The following ZSCAN12 variants were observed in gnomAD, a reference collection of about 807,000 sequenced individuals.
ZSCAN12 encodes zinc finger and SCAN domain-containing protein 12.
In ZSCAN12, 18 loss-of-function variants were observed where a neutral mutation model predicts 23.4. The ratio of observed to expected loss-of-function variants is 0.77; its 90% confidence interval spans 0.53 to 1.14. The LOEUF is 1.14. ZSCAN12 is among the 50% of genes most tolerant of loss of function. The probability of loss-of-function intolerance (pLI) is 0.00; values close to 1 mark genes in which losing one functional copy is unlikely to be tolerated. For missense variants in ZSCAN12, 650 were observed against 735.0 expected, an observed-to-expected ratio of 0.88 and a Z score of 1.34; for synonymous variants, 186 against 253.4, an observed-to-expected ratio of 0.73 and a Z score of 2.53.
downstream of ZSCAN12, chr6:28,380,238 A>G (rs1331553709): frequency 1.3e-5 from 2 of 152,214 alleles, no homozygotes; most frequent in Admixed American, 6.5e-5. Flanking sequence ...CCTCTCATTT[A>G]TAAGAGCCTC....
At chr6:28,392,256 C>T (rs1023907561) in intron 3 of ZSCAN12, among the ~76,000 whole-genome samples, 1 of 151,334 alleles carries the variant, frequency 6.6e-6, no homozygotes, top group Admixed American at 6.6e-5. Context: ...CAGCTCACTG[C>T]AACCTCCGCC....
chr6:28,382,495 A>C (rs1561950701), downstream of ZSCAN12: 1 of 1,551,926 alleles, frequency 6.4e-7, no homozygotes, highest in Admixed American at 2.0e-5. Context: ...ACTATTAGAG[A>C]TCTCTCCTGA....
Position 28,391,192 on chromosome 6 carries a change from G to C in ZSCAN12, c.1098C>G (p.Ala366=). 1 of 1,551,912 alleles carries C rather than the reference G, an allele frequency of 6.4e-7. No homozygotes were observed. Among genetic ancestry groups the C allele is most frequent in the Non-Finnish European group, 8.7e-7 (1 of 1,147,036 alleles). The change falls in exon 4 of 4, where the codon GCC becomes GCG. Residue 366 remains alanine (A), a synonymous_variant. Coordinates refer to ENST00000684592, the MANE Select transcript of ZSCAN12 (RefSeq NM_001163391.2). The surrounding 1 kb of genome is among the most constrained non-coding windows in gnomAD (Gnocchi z 4.1). ...GAAAGAGGCCTGCTTTCTGACTAAA[G>C]GCTTTGCCACAGTCATTACAGTGAT... The part of the protein sequence containing the change: ...KHYHCNDCGK[A]FSQKAGLFHH...
At chr6:28,397,720 C>T (rs527637972) in intron 2 of ZSCAN12, among the ~76,000 whole-genome samples, 47 of 152,170 alleles carry the variant, frequency 3.1e-4, no homozygotes, top group Admixed American at 1.5e-3. Context: ...CATCCTGCTA[C>T]TGTCATCTCT....
intron 2 of ZSCAN12, among the ~76,000 whole-genome samples, chr6:28,394,911 C>A (rs561567323): frequency 6.6e-6 from 1 of 151,898 alleles, no homozygotes; most frequent in South Asian, 2.1e-4. Context: ...TAATAGGAAT[C>A]TCAAAATTAA....
At chr6:28,399,379 C>G (rs1376697154) in intron 1 of ZSCAN12, among the ~76,000 whole-genome samples, 1 of 152,222 alleles carries the variant, frequency 6.6e-6, no homozygotes, top group Non-Finnish European at 1.5e-5. Context: ...CACCACTGTC[C>G]AGAAATGTCG....
At chr6:28,394,325 C>T (rs1761002223) in intron 2 of ZSCAN12, among the ~76,000 whole-genome samples, 1 of 152,174 alleles carries the variant, frequency 6.6e-6, no homozygotes, top group Non-Finnish European at 1.5e-5. Flanking sequence ...CAGGGATTGG[C>T]ATACAACAGG....
Position 28,391,739 on chromosome 6 carries a change from A to G in ZSCAN12, c.551T>C (p.Leu184Ser), listed in dbSNP as rs1456231844. 1 of 1,521,844 alleles carries G rather than the reference A, an allele frequency of 6.6e-7. No individual in the cohort carries two copies. The highest frequency in any genetic ancestry group is 2.4e-5 in the East Asian group (1 of 40,820). The allele number at this position is 1,521,844 out of a possible 1,614,324, so 94.3% of individuals were successfully genotyped here. Residue 184 changes from leucine (L) to serine (S), a missense_variant, in exon 4 of 4, where the codon TTA becomes TCA. Coordinates refer to ENST00000684592, the MANE Select transcript of ZSCAN12 (RefSeq NM_001163391.2). This position sits in a 1 kb window ranked among gnomAD's most constrained non-coding sequence, Gnocchi z 4.1. ...ATACTCATTTCCAGTCTCAACATCT[A>G]AAACTAAGAAGGGATCATAAATGTT... is the stretch of plus-strand genomic sequence containing the variant. The part of the protein sequence containing the change: ...PELESQQEQV[L>S]DVETGNEYGN...
At chr6:28,398,616 C>T (rs1001104261) in intron 1 of ZSCAN12, 143 bp from the exon 2 acceptor site, 3 of 514,394 alleles carry the variant, frequency 5.8e-6, no homozygotes, top group African/African-American at 3.8e-5. Context: ...ATAGAAAAGA[C>T]TTAAGATTAG....
chr6:28,395,078 G>A (rs1372601045), intron 2 of ZSCAN12, among the ~76,000 whole-genome samples: 3 of 151,920 alleles, frequency 2.0e-5, no homozygotes, highest in Non-Finnish European at 4.4e-5. Context: ...GGGATTATAG[G>A]TGCCTGCCAC....
chr6:28,390,835 T>C lies in ZSCAN12; in HGVS notation c.1455A>G (p.Thr485=), dbSNP rs748790358. The C allele has an allele frequency of 1.3e-6, 2 of 1,593,198 alleles. No individual in the cohort carries two copies. The highest frequency in any genetic ancestry group is 8.6e-7 in the Non-Finnish European group (1 of 1,169,196). ...CTCCAGTGTGAATTCGCTGATGTTC[T>C]GTAAGACTTGTCCTTTGAATAAAGG... ...EKAFIQRTSL[T]EHQRIHTGER... is the part of the protein sequence containing the mutation. The change falls in exon 4 of 4, where the codon ACA becomes ACG. Residue 485 remains threonine, a synonymous_variant. Transcript: ENST00000684592.
Position 28,391,452 on chromosome 6 carries a change from C to T in ZSCAN12, c.838G>A (p.Gly280Arg). Residue 280 changes from glycine (G) to arginine (R), a missense_variant, in exon 4 of 4, where the codon GGA becomes AGA. Gly to Arg is a moderately radical substitution (Grantham distance 125). Coordinates refer to ENST00000684592, the MANE Select transcript of ZSCAN12 (RefSeq NM_001163391.2). This position sits in a 1 kb window ranked among gnomAD's most constrained non-coding sequence, Gnocchi z 4.1. Reference sequence around the variant, plus strand: ...TGTGAGTGCTGACTAAAAGCTTTTCCACAGTCATCACATCCGTAAGATTCT... The same window carrying T: ...TGTGAGTGCTGACTAAAAGCTTTTCTACAGTCATCACATCCGTAAGATTCT... ...GEESYGCDDCGKAFSQHSHLI... is the reference protein window; with the variant it reads ...GEESYGCDDCRKAFSQHSHLI... The T allele has an allele frequency of 6.4e-7, 1 of 1,551,838 alleles. No individual in the cohort carries two copies. The highest frequency in any genetic ancestry group is 1.2e-5 in the South Asian group (1 of 84,066).
chr6:28,382,507 A>G, downstream of ZSCAN12: 1 of 1,551,994 alleles, frequency 6.4e-7, no homozygotes, highest in South Asian at 1.2e-5. Flanking sequence ...CTCTCCTGAA[A>G]CAAGATTGCC....
rs1357156067 is a variant in ZSCAN12, at chr6:28,398,280, T to C, written c.126A>G (p.Arg42=). The C allele has an allele frequency of 6.2e-7, 1 of 1,606,882 alleles. No homozygotes were observed. Among genetic ancestry groups the C allele is most frequent in the Admixed American group, 1.7e-5 (1 of 58,272 alleles). The change falls in exon 2 of 4, where the codon AGA becomes AGG. Residue 42 remains arginine (R), a synonymous_variant. Coordinates refer to ENST00000684592, the MANE Select transcript of ZSCAN12 (RefSeq NM_001163391.2). ...GTCTGAAGTACTGACGGAAGACCTCTCTGCTATGGGTGTTGTTTTTACGCA... is the reference window on the plus strand; with the variant it reads ...GTCTGAAGTACTGACGGAAGACCTCCCTGCTATGGGTGTTGTTTTTACGCA... ...WDLRKNNTHS[R]EVFRQYFRQF... is the part of the protein sequence containing the mutation.
intron 2 of ZSCAN12, among the ~76,000 whole-genome samples, chr6:28,397,272 G>A (rs913818940): frequency 6.6e-6 from 1 of 152,112 alleles, no homozygotes; most frequent in African/African-American, 2.4e-5. Context: ...ATTGGCACTG[G>A]TTGAGAACCA....
At position 28,387,339 on chromosome 6, in the gene ZSCAN12, T is replaced by C. The variant is rs1349619747; in HGVS notation, c.*3115A>G. 6.6e-6 allele frequency among the ~76,000 whole-genome samples: 1 copy of C among 151,762 alleles called. No homozygotes were observed. The highest frequency in any genetic ancestry group is 1.5e-5 in the Non-Finnish European group (1 of 67,924). On this transcript the variant is annotated 3_prime_UTR_variant, in exon 4 of 4. Transcript: ENST00000684592. ...CCCCAAGTAAAGGCACTCAGAGGAG[T>C]AGAAGGCAAGTTTAAAACAACGATT...
rs1247397864 is a variant in ZSCAN12, at chr6:28,388,000, T to C, written c.*2454A>G. Among the ~76,000 whole-genome samples the C allele has an allele frequency of 6.6e-6, 1 of 152,216 alleles. No homozygotes were observed. The highest frequency in any genetic ancestry group is 1.5e-5 in the Non-Finnish European group (1 of 68,038). ...CACCAATTTTCTTCTCTCCCGAGTT[T>C]TGGCTTTGGAGCCGCAAGCAGCTGA... On this transcript the variant is annotated 3_prime_UTR_variant, in exon 4 of 4. Transcript: ENST00000684592.
rs377685510 is a variant in ZSCAN12 at position 28,391,051 on chromosome 6, C to T, written c.1239G>A (p.Pro413=). Residue 413 remains proline, a synonymous_variant, in exon 4 of 4, where the codon CCG becomes CCA. Transcript: ENST00000684592. The surrounding 1 kb of genome is among the most constrained non-coding windows in gnomAD (Gnocchi z 4.1). ...QHQGVHTGAK[P]YECNECGKAF... ...CTTTTCCACACTCGTTGCACTCATA[C>T]GGCTTGGCGCCGGTATGAACTCCTT... The T allele has an allele frequency of 1.9e-5, 30 of 1,555,288 alleles. No individual in the cohort carries two copies. The African/African-American group carries it at 2.0e-4, about 11-fold the overall frequency.
intron 1 of ZSCAN12, among the ~76,000 whole-genome samples, chr6:28,399,074 C>T (rs970274555): frequency 6.6e-6 from 1 of 152,052 alleles, no homozygotes; most frequent in Non-Finnish European, 1.5e-5. Context: ...ATAAAACTAA[C>T]ATTTAGATCA....
Sources: allele counts gnomAD v4.1 joint callset (sites outside exome capture counted in the v4.1 genomes callset), GRCh38; gene constraint gnomAD v4.1.1; non-coding constraint Gnocchi (gnomAD v3.1); transcripts MANE v1.5; gene names NCBI Gene and HGNC (gene_info 2026-07-23, HGNC 2026-07-21).